The following CLASP1 variants were observed in gnomAD, a reference collection of about 807,000 sequenced individuals.
CLASP1 encodes CLIP-associating protein 1.
Under a neutral mutation model 192.3 loss-of-function variants are expected in CLASP1, and 38 were observed. That is an observed-to-expected ratio of 0.20 (90% CI 0.15 to 0.26). The LOEUF (loss-of-function observed/expected upper bound fraction) is 0.26, where lower values mean the gene tolerates loss of function less well. Among genes scored for constraint, CLASP1 ranks in the 10% least tolerant of loss-of-function variants. The probability of loss-of-function intolerance (pLI) is 1.00; values close to 1 mark genes in which losing one functional copy is unlikely to be tolerated. For synonymous variants in CLASP1, 691 were observed against 712.8 expected (o/e 0.97, Z 0.49); for missense variants, 1,433 against 1,932.5 (o/e 0.74, Z 4.85).
intron 9 of CLASP1, 37 bp downstream of exon 9, chr2:121,469,771 A>G: frequency 6.4e-7 from 1 of 1,573,484 alleles, no homozygotes; most frequent in East Asian, 2.3e-5. Flanking sequence ...AAGCTGGCAT[A>G]GCTGACCCCA....
chr2:121,464,608 A>G (rs940812658), intron 9 of CLASP1, among the ~76,000 whole-genome samples: 8 of 151,864 alleles, frequency 5.3e-5, no homozygotes, highest in Admixed American at 1.3e-4. Flanking sequence ...GATGGTGAGC[A>G]TTTTTTCATG....
chr2:121,530,905 T>A (rs992754936), intron 2 of CLASP1: 3 of 697,592 alleles, frequency 4.3e-6, no homozygotes, highest in Non-Finnish European at 7.8e-6. Flanking sequence ...GGGGTTGCGC[T>A]ACTGTCCAAT....
chr2:121,598,357 A>C (rs2063391929), intron 2 of CLASP1, among the ~76,000 whole-genome samples: 1 of 152,238 alleles, frequency 6.6e-6, no homozygotes, highest in Non-Finnish European at 1.5e-5. Flanking sequence ...TGAGAGAGGC[A>C]AGTTTTTCTG....
At chr2:121,580,767 A>G (rs866185598) in intron 2 of CLASP1, among the ~76,000 whole-genome samples, 60 of 152,140 alleles carry the variant, frequency 3.9e-4, no homozygotes, top group African/African-American at 1.4e-3. Flanking sequence ...TCATGCACAT[A>G]TTTTTTTTCT....
chr2:121,577,429 T>C (rs1283514232), intron 2 of CLASP1, among the ~76,000 whole-genome samples: 4 of 152,120 alleles, frequency 2.6e-5, no homozygotes, highest in Admixed American at 6.5e-5. Flanking sequence ...AGAAAACCTA[T>C]CTGGCTAACT....
At chr2:121,373,215 C>T (rs1251483923) in intron 34 of CLASP1, among the ~76,000 whole-genome samples, 4 of 152,132 alleles carry the variant, frequency 2.6e-5, no homozygotes, top group Non-Finnish European at 5.9e-5. Context: ...TGTAGCACTT[C>T]CCCCTTCGCT....
chr2:121,504,252 A>G (rs1330778989), intron 7 of CLASP1, among the ~76,000 whole-genome samples: 3 of 152,122 alleles, frequency 2.0e-5, no homozygotes, highest in African/African-American at 7.2e-5. Context: ...AAAAGAAAGA[A>G]AAAAGAGGCT....
intron 2 of CLASP1, among the ~76,000 whole-genome samples, chr2:121,563,788 G>A (rs1196087538): frequency 2.0e-5 from 3 of 152,162 alleles, no homozygotes; most frequent in African/African-American, 7.2e-5. Flanking sequence ...TGAGCAAGGG[G>A]TGAAAATGAA....
intron 9 of CLASP1, among the ~76,000 whole-genome samples, chr2:121,464,002 C>G (rs1217306707): frequency 8.7e-6 from 1 of 115,540 alleles, no homozygotes; most frequent in East Asian, 3.1e-4. Flanking sequence ...CCCCTCCCCC[C>G]ACCCCACAAC....
intron 33 of CLASP1, among the ~76,000 whole-genome samples, chr2:121,381,841 A>C (rs756466980): frequency 2.0e-4 from 30 of 152,170 alleles, no homozygotes; most frequent in Non-Finnish European, 3.8e-4. Context: ...TGTCTTCTGC[A>C]CTTTAGACGC....
In CLASP1 at chr2:121,528,717, G is replaced by A; in HGVS notation, c.338C>T (p.Thr113Ile). The change falls in exon 4 of 40, where the codon ACT becomes ATT. Residue 113 changes from threonine (T) to isoleucine (I), a missense_variant. Physicochemically the swap from Thr to Ile is moderately conservative, Grantham distance 89. Coordinates refer to ENST00000263710, the Ensembl canonical transcript of CLASP1. Reference sequence around the variant, plus strand: ...TTGATCCATGATCTTTAGCAGCAGAGTTTGGTCCTGCTCCCTCACAGAGTC... The same window carrying A: ...TTGATCCATGATCTTTAGCAGCAGAATTTGGTCCTGCTCCCTCACAGAGTC... 2 of 1,614,044 alleles carry A rather than the reference G, an allele frequency of 1.2e-6. No individual in the cohort carries two copies. Among genetic ancestry groups the A allele is most frequent in the Non-Finnish European group, 1.7e-6 (2 of 1,179,892 alleles).
chr2:121,606,702 T>C (rs2064462676), intron 1 of CLASP1, among the ~76,000 whole-genome samples: 1 of 152,156 alleles, frequency 6.6e-6, no homozygotes, highest in African/African-American at 2.4e-5. Context: ...CACACTACTT[T>C]ACAATGGAGT....
At chr2:121,470,261 T>A (rs1204074786) in intron 8 of CLASP1, 2 of 507,432 alleles carry the variant, frequency 3.9e-6, no homozygotes, top group Admixed American at 4.3e-5. Flanking sequence ...AACAGTTATT[T>A]TCACATTCTG....
chr2:121,472,348 G>C (rs2090898313), intron 8 of CLASP1, among the ~76,000 whole-genome samples: 1 of 152,136 alleles, frequency 6.6e-6, no homozygotes, highest in South Asian at 2.1e-4. Flanking sequence ...AAACCTGACA[G>C]TATATATAAA....
intron 2 of CLASP1, among the ~76,000 whole-genome samples, chr2:121,541,207 C>A (rs2095227013): frequency 6.6e-6 from 1 of 152,118 alleles, no homozygotes. Flanking sequence ...CAATCCTCTC[C>A]TCCAAAAAAA....
At chr2:121,517,782 G>A (rs1401749563) in intron 6 of CLASP1, among the ~76,000 whole-genome samples, 3 of 139,984 alleles carry the variant, frequency 2.1e-5, no homozygotes, top group African/African-American at 7.8e-5. Flanking sequence ...GATTACTCAA[G>A]CTCAGGAGTT....
chr2:121,475,194 T>G (rs1193564390), intron 8 of CLASP1, among the ~76,000 whole-genome samples: 1 of 152,178 alleles, frequency 6.6e-6, no homozygotes, highest in Non-Finnish European at 1.5e-5. Flanking sequence ...GGATAAAAAG[T>G]GTATTTATTT....
chr2:121,558,490 T>C (rs944697582), intron 2 of CLASP1, among the ~76,000 whole-genome samples: 4 of 152,178 alleles, frequency 2.6e-5, no homozygotes, highest in African/African-American at 7.2e-5. Context: ...TCTTCACGAA[T>C]GGATGAATGA....
chr2:121,540,743 C>T (rs1289901897), intron 2 of CLASP1, among the ~76,000 whole-genome samples: 2 of 151,050 alleles, frequency 1.3e-5, no homozygotes, highest in African/African-American at 2.4e-5. Flanking sequence ...GCCTAGATCG[C>T]GCCACTGCAC....
Sources: allele counts gnomAD v4.1 joint callset (sites outside exome capture counted in the v4.1 genomes callset), GRCh38; gene constraint gnomAD v4.1.1; transcripts MANE v1.5; gene names NCBI Gene and HGNC (gene_info 2026-07-23, HGNC 2026-07-21).